Variants in FGF1 observed in about 807,000 individuals in gnomAD.
The protein encoded by FGF1 is fibroblast growth factor 1.
A neutral mutation model predicts 13.4 loss-of-function variants in FGF1; 9 were observed. That is an observed-to-expected ratio of 0.67 (90% CI 0.40 to 1.17). FGF1 has a LOEUF of 1.17. Among genes scored for constraint, FGF1 ranks in the 50% most tolerant of loss-of-function variants. The pLI, the probability that FGF1 is intolerant of heterozygous loss-of-function variation, is 0.01. For synonymous variants in FGF1, 93 were observed against 79.0 expected (o/e 1.18, Z -0.94); for missense variants, 156 against 192.7 (o/e 0.81, Z 1.13).
intron 2 of FGF1, among the ~76,000 whole-genome samples, chr5:142,605,097 T>G (rs1344790750): frequency 6.6e-6 from 1 of 151,908 alleles, no homozygotes; most frequent in Non-Finnish European, 1.5e-5. Context: ...AAGTTTTTTT[T>G]GTTTGTTTGT....
rs111323735 is a variant in FGF1, at chr5:142,600,766, T to C, written c.209A>G (p.Tyr70Cys). Reference sequence around the variant, plus strand: ...CTGGCCAGTCTCGGTACTCTTTATATACACCTCCCCCACGCTTTCCGCACT... The same window carrying C: ...CTGGCCAGTCTCGGTACTCTTTATACACACCTCCCCCACGCTTTCCGCACT... ...QLSAESVGEV[Y>C]IKSTETGQYL... Residue 70 changes from tyrosine to cysteine, a missense_variant, in exon 3 of 4, where the codon TAT (tyrosine) becomes TGT (cysteine). Physicochemically the swap from Tyr to Cys is radical, Grantham distance 194. Coordinates refer to ENST00000337706, the MANE Select transcript of FGF1 (RefSeq NM_000800.5). The C allele has an allele frequency of 6.2e-7, 1 of 1,613,940 alleles. No homozygotes were observed. The highest frequency in any genetic ancestry group is 1.1e-5 in the South Asian group (1 of 91,066).
chr5:142,665,809 C>G (rs1770197299), intron 1 of FGF1, among the ~76,000 whole-genome samples: 1 of 152,196 alleles, frequency 6.6e-6, no homozygotes, highest in Non-Finnish European at 1.5e-5. Flanking sequence ...TCAAGCACAA[C>G]CAATAAGCTT....
intron 2 of FGF1, among the ~76,000 whole-genome samples, chr5:142,611,389 CTGAGTCTCAGCGAGACTAAA>C (rs565807992): frequency 3.3e-5 from 5 of 152,210 alleles, no homozygotes; most frequent in Non-Finnish European, 7.4e-5. Context: ...GGTGAGGAAA[CTGAGTCTCAGCGAGACTAAA>C]TGATTTTCCT....
chr5:142,669,715 G>A (rs1771088914), intron 1 of FGF1, among the ~76,000 whole-genome samples: 1 of 152,206 alleles, frequency 6.6e-6, no homozygotes, highest in East Asian at 1.9e-4. Flanking sequence ...GGCAGGCAGT[G>A]GACGCGAGCT....
At chr5:142,650,366 C>T (rs972299267) in intron 1 of FGF1, among the ~76,000 whole-genome samples, 3 of 152,174 alleles carry the variant, frequency 2.0e-5, no homozygotes, top group African/African-American at 7.2e-5. Flanking sequence ...TAGTTTAAAA[C>T]GAGGTCTGTG....
chr5:142,635,186 C>G (rs1764041879), intron 1 of FGF1, among the ~76,000 whole-genome samples: 1 of 152,086 alleles, frequency 6.6e-6, no homozygotes. Flanking sequence ...GTAAGTCACT[C>G]CACTCCCTTG....
chr5:142,607,406 C>T (rs550839289), intron 2 of FGF1, among the ~76,000 whole-genome samples: 1 of 152,264 alleles, frequency 6.6e-6, no homozygotes, highest in South Asian at 2.1e-4. Context: ...TCAAGTATCC[C>T]AGGGATGAAG....
chr5:142,630,958 G>A (rs1332769632), intron 1 of FGF1, among the ~76,000 whole-genome samples: 4 of 152,196 alleles, frequency 2.6e-5, no homozygotes, highest in African/African-American at 4.8e-5. Flanking sequence ...ACGCTGGACT[G>A]TAAGCTGCTG....
chr5:142,604,403 T>C (rs1054371672), intron 2 of FGF1, among the ~76,000 whole-genome samples: 4 of 152,236 alleles, frequency 2.6e-5, no homozygotes, highest in Admixed American at 2.0e-4. Flanking sequence ...CTAACTTTTA[T>C]TGATCACCTA....
chr5:142,595,525 G>A, intron 3 of FGF1, 41 bp from the exon 4 acceptor site: 1 of 1,555,646 alleles, frequency 6.4e-7, no homozygotes, highest in South Asian at 1.2e-5. Context: ...CAATCAGTGA[G>A]TAGTTTCACA....
At chr5:142,676,451 C>A (rs1220521509) in intron 1 of FGF1, among the ~76,000 whole-genome samples, 1 of 152,196 alleles carries the variant, frequency 6.6e-6, no homozygotes, top group Non-Finnish European at 1.5e-5. Context: ...CTGTCAACAA[C>A]CCTAGGACAG....
chr5:142,634,137 G>A (rs1475643903), intron 1 of FGF1, among the ~76,000 whole-genome samples: 1 of 150,234 alleles, frequency 6.7e-6, no homozygotes, highest in Non-Finnish European at 1.5e-5. Flanking sequence ...AGCTTGCAGT[G>A]AGCCGAGATC....
intron 1 of FGF1, among the ~76,000 whole-genome samples, chr5:142,633,120 C>T (rs946951331): frequency 2.6e-5 from 4 of 152,070 alleles, no homozygotes; most frequent in Non-Finnish European, 5.9e-5. Flanking sequence ...GGGGTTTCAC[C>T]ATCTTGGCCA....
At chr5:142,634,447 A>G (rs1191914546) in intron 1 of FGF1, among the ~76,000 whole-genome samples, 1 of 152,218 alleles carries the variant, frequency 6.6e-6, no homozygotes, top group Non-Finnish European at 1.5e-5. Flanking sequence ...TAGCATTCCA[A>G]ACGGTATCCT....
intron 1 of FGF1, among the ~76,000 whole-genome samples, chr5:142,672,581 T>C (rs956534749): frequency 1.4e-5 from 2 of 146,220 alleles, no homozygotes; most frequent in African/African-American, 5.1e-5. Context: ...CTCGGCTCAC[T>C]GCAACTTCCG....
intron 2 of FGF1, among the ~76,000 whole-genome samples, chr5:142,694,872 GGTAGAATCTAATAAGAACTTCCCA>G (rs1165586712): frequency 3.4e-4 from 51 of 152,218 alleles, no homozygotes; most frequent in African/African-American, 1.2e-3. Flanking sequence ...CTCACCCCTG[GGTAGAATCTAATAAGAACTTCCCA>G]GTAGAGGTAC....
chr5:142,653,622 C>A (rs905681822), intron 1 of FGF1, among the ~76,000 whole-genome samples: 3 of 152,240 alleles, frequency 2.0e-5, no homozygotes. Context: ...TTAACCCTGA[C>A]CCATCTTTCA....
intron 2 of FGF1, among the ~76,000 whole-genome samples, chr5:142,693,562 C>T (rs973834385): frequency 6.6e-6 from 1 of 152,108 alleles, no homozygotes; most frequent in Non-Finnish European, 1.5e-5. Context: ...TGAAGTTCAC[C>T]CATTTAAAAT....
chr5:142,600,860 G>A (rs991896453), intron 2 of FGF1, 55 bp from the exon 3 acceptor site: 1 of 1,320,006 alleles, frequency 7.6e-7, no homozygotes, highest in South Asian at 1.3e-5. Flanking sequence ...TTTGCCGATA[G>A]GACCCGGCAG....
Sources: allele counts gnomAD v4.1 joint callset (sites outside exome capture counted in the v4.1 genomes callset), GRCh38; gene constraint gnomAD v4.1.1; transcripts MANE v1.5; gene names NCBI Gene and HGNC (gene_info 2026-07-23, HGNC 2026-07-21).